Variants in DCHS2 observed in about 807,000 individuals in gnomAD.
DCHS2 encodes protocadherin-23.
Under a neutral mutation model 182.4 loss-of-function variants are expected in DCHS2, and 142 were observed. That is an observed-to-expected ratio of 0.78 (90% CI 0.68 to 0.89). DCHS2 has a LOEUF of 0.89. Ranked by LOEUF, DCHS2 falls within the 40% of genes least tolerant of loss-of-function variation. DCHS2 has a pLI of 0.00. For missense variants in DCHS2, 4,319 were observed against 4,198.6 expected (o/e 1.03, Z -0.79); for synonymous variants, 1,740 against 1,663.3 (o/e 1.05, Z -1.12).
At chr4:154,392,714 T>C (rs1411832899) in intron 1 of DCHS2, among the ~76,000 whole-genome samples, 2 of 152,220 alleles carry the variant, frequency 1.3e-5, no homozygotes, top group Non-Finnish European at 2.9e-5. Flanking sequence ...CAGCTCCCAA[T>C]ATAATCACTT....
At chr4:154,301,484 T>TTTTA (rs949943234) in intron 12 of DCHS2, among the ~76,000 whole-genome samples, 28 of 151,972 alleles carry the variant, frequency 1.8e-4, no homozygotes, top group Non-Finnish European at 2.5e-4. Context: ...TTTGCCTTAT[T>TTTTA]TTTATTTATT....
intron 1 of DCHS2, among the ~76,000 whole-genome samples, chr4:154,393,347 T>A (rs1397051327): frequency 6.6e-6 from 1 of 152,138 alleles, no homozygotes; most frequent in Non-Finnish European, 1.5e-5. Context: ...GTGTTCCAAG[T>A]CAATGATTGG....
intron 13 of DCHS2, among the ~76,000 whole-genome samples, chr4:154,286,748 T>C (rs1734418528): frequency 6.6e-6 from 1 of 152,066 alleles, no homozygotes; most frequent in African/African-American, 2.4e-5. Flanking sequence ...TAAGAATTAT[T>C]GGCCTTAAAG....
At chr4:154,484,735 A>G (rs774387495) in intron 1 of DCHS2, among the ~76,000 whole-genome samples, 1 of 152,348 alleles carries the variant, frequency 6.6e-6, no homozygotes, top group Non-Finnish European at 1.5e-5. Flanking sequence ...CTTTTCATTT[A>G]TAATTTAAAA....
intron 1 of DCHS2, among the ~76,000 whole-genome samples, chr4:154,433,796 C>T (rs566769858): frequency 6.6e-6 from 1 of 152,318 alleles, no homozygotes; most frequent in South Asian, 2.1e-4. Flanking sequence ...CCTCGCTGCT[C>T]TCACTGGCTC....
At position 154,490,568 on chromosome 4, in the gene DCHS2, C is replaced by G. The variant is rs1728783384; in HGVS notation, c.788G>C (p.Arg263Pro). Residue 263 changes from arginine to proline, a missense_variant, in exon 1 of 20, where the codon CGG becomes CCG. Physicochemically the swap from Arg to Pro is moderately radical, Grantham distance 103. Transcript: ENST00000357232. ...RLDREEAAAH[R>P]LQIEAWDGGR... ...GCCGTCCCATGCCTCGATCTGCAGCCGGTGCGCCGCCGCCTCCTCTCGGTC... is the reference window on the plus strand; with the variant it reads ...GCCGTCCCATGCCTCGATCTGCAGCGGGTGCGCCGCCGCCTCCTCTCGGTC... 1 of 1,542,704 alleles carries G rather than the reference C, an allele frequency of 6.5e-7. No homozygotes were observed. Among genetic ancestry groups the G allele is most frequent in the Non-Finnish European group, 8.7e-7 (1 of 1,146,170 alleles).
At chr4:154,423,926 A>G (rs1018943288) in intron 1 of DCHS2, among the ~76,000 whole-genome samples, 3 of 152,178 alleles carry the variant, frequency 2.0e-5, no homozygotes, top group African/African-American at 7.2e-5. Context: ...TGGTCCAGGG[A>G]CCAAACTTTC....
At chr4:154,407,170 A>G (rs563924370) in intron 1 of DCHS2, among the ~76,000 whole-genome samples, 3 of 152,228 alleles carry the variant, frequency 2.0e-5, no homozygotes, top group Non-Finnish European at 4.4e-5. Flanking sequence ...GGACTCAGGC[A>G]TCTTTCGCTT....
chr4:154,368,873 G>A (rs1473197861), intron 2 of DCHS2, among the ~76,000 whole-genome samples: 1 of 152,186 alleles, frequency 6.6e-6, no homozygotes, highest in Non-Finnish European at 1.5e-5. Flanking sequence ...AGTGACAGAG[G>A]CTGGGCAGAA....
At chr4:154,258,362 A>G (rs1365414319) in intron 15 of DCHS2, among the ~76,000 whole-genome samples, 2 of 145,518 alleles carry the variant, frequency 1.4e-5, no homozygotes, top group Non-Finnish European at 3.0e-5. Context: ...GCAGTAAAAG[A>G]AAGGCTTTTT....
rs1735276735 is a variant in DCHS2, at chr4:154,302,969, C to CACACA, written c.5605+1699_5605+1700insTGTGT. 2.1e-3 allele frequency among the ~76,000 whole-genome samples: 46 copies of CACACA among 21,564 alleles called. 1 individual carries two copies. The highest frequency in any genetic ancestry group is 6.4e-3 in the African/African-American group (21 of 3,258). The allele number at this position is 21,564 out of a possible 152,430, so 14.1% of individuals were successfully genotyped here. On this transcript the variant is annotated intron_variant, in intron 12 of 19. Coordinates refer to ENST00000357232, the MANE Select transcript of DCHS2 (RefSeq NM_001358235.2). ...CACACACACACACACACACACACAC[C>CACACA]CACACACACACATATTTTTTTTTTT...
intron 14 of DCHS2, among the ~76,000 whole-genome samples, chr4:154,266,451 T>C (rs932672320): frequency 1.3e-5 from 2 of 152,016 alleles, no homozygotes; most frequent in African/African-American, 4.8e-5. Context: ...GGACAGGAGA[T>C]CGAGACCATC....
At chr4:154,441,297 T>G (rs1445133039) in intron 1 of DCHS2, among the ~76,000 whole-genome samples, 1 of 152,214 alleles carries the variant, frequency 6.6e-6, no homozygotes, top group African/African-American at 2.4e-5. Flanking sequence ...ACCTGTTGAG[T>G]CTTTGAGAGC....
intron 7 of DCHS2, among the ~76,000 whole-genome samples, chr4:154,325,170 C>T (rs1736228435): frequency 6.6e-6 from 1 of 152,086 alleles, no homozygotes; most frequent in African/African-American, 2.4e-5. Context: ...TATATAGCTC[C>T]AAATCTCATT....
intron 13 of DCHS2, among the ~76,000 whole-genome samples, chr4:154,292,995 A>G (rs1734734854): frequency 6.6e-6 from 1 of 151,932 alleles, no homozygotes; most frequent in Non-Finnish European, 1.5e-5. Flanking sequence ...TAGCCCTCCA[A>G]CTCAATCTCC....
intron 9 of DCHS2, among the ~76,000 whole-genome samples, chr4:154,318,189 C>G (rs1735928583): frequency 1.3e-5 from 2 of 151,392 alleles, no homozygotes; most frequent in African/African-American, 4.8e-5. Flanking sequence ...AATACAAACC[C>G]TGTGTCTATT....
intron 1 of DCHS2, among the ~76,000 whole-genome samples, chr4:154,478,463 T>C (rs1039447939): frequency 1.3e-5 from 2 of 152,198 alleles, no homozygotes; most frequent in African/African-American, 2.4e-5. Flanking sequence ...TGGACCTATA[T>C]GGAGTGAGTT....
At chr4:154,264,057 T>A (rs1322073723) in intron 14 of DCHS2, among the ~76,000 whole-genome samples, 1 of 152,188 alleles carries the variant, frequency 6.6e-6, no homozygotes, top group African/African-American at 2.4e-5. Context: ...TAGTTATACA[T>A]ATTTAAAACT....
At chr4:154,354,208 G>A (rs1163195864) in intron 3 of DCHS2, among the ~76,000 whole-genome samples, 2 of 152,196 alleles carry the variant, frequency 1.3e-5, no homozygotes, top group African/African-American at 2.4e-5. Context: ...TTACAGGTGT[G>A]AGCCACTGCA....
Sources: allele counts gnomAD v4.1 joint callset (sites outside exome capture counted in the v4.1 genomes callset), GRCh38; gene constraint gnomAD v4.1.1; transcripts MANE v1.5; gene names NCBI Gene and HGNC (gene_info 2026-07-23, HGNC 2026-07-21).